The following RALGPS2 variants were observed in gnomAD, a reference collection of about 807,000 sequenced individuals.
RALGPS2 encodes the protein ras-specific guanine nucleotide-releasing factor RalGPS2.
Under a neutral mutation model 86.8 loss-of-function variants are expected in RALGPS2, and 43 were observed. That is an observed-to-expected ratio of 0.50 (90% CI 0.39 to 0.64). RALGPS2 has a LOEUF of 0.64. Ranked by LOEUF, RALGPS2 falls within the 30% of genes least tolerant of loss-of-function variation. RALGPS2 has a pLI of 0.00. For missense variants in RALGPS2, 536 were observed against 694.6 expected, an observed-to-expected ratio of 0.77 and a Z score of 2.57; for synonymous variants, 243 against 231.3, an observed-to-expected ratio of 1.05 and a Z score of -0.46.
chr1:178,831,567 C>A (rs1656018412), intron 7 of RALGPS2, among the ~76,000 whole-genome samples: 1 of 151,944 alleles, frequency 6.6e-6, no homozygotes, highest in Non-Finnish European at 1.5e-5. Context: ...CCCCATTTGT[C>A]ATGCTCTTGG....
At chr1:178,888,183 A>G (rs1297472329) in intron 13 of RALGPS2, among the ~76,000 whole-genome samples, 1 of 152,166 alleles carries the variant, frequency 6.6e-6, no homozygotes, top group South Asian at 2.1e-4. Context: ...AAGTAAGTAA[A>G]CAGTAAAAGA....
At position 178,865,718 on chromosome 1, in the gene RALGPS2, T is replaced by A. The variant is rs141156731; in HGVS notation, c.608-11780T>A. 5.6e-4 allele frequency: 898 copies of A among 1,613,608 alleles called. 1 individual carries two copies. The highest frequency in any genetic ancestry group is 7.8e-4 in the Admixed American group (47 of 59,994). On this transcript the variant is annotated intron_variant, in intron 8 of 19. Transcript: ENST00000367635. ...AATTTTGAATTGTCCACCTCTGCAA[T>A]GTCCAGTGTCCACTAGTAGGAAGAA...
chr1:178,751,483 A>G (rs774236772), intron 1 of RALGPS2, among the ~76,000 whole-genome samples: 3 of 152,192 alleles, frequency 2.0e-5, no homozygotes, highest in Non-Finnish European at 4.4e-5. Flanking sequence ...TTGAGAGAGA[A>G]CACTATTCCA....
intron 1 of RALGPS2, among the ~76,000 whole-genome samples, chr1:178,762,825 G>A (rs1652320699): frequency 6.6e-6 from 1 of 152,018 alleles, no homozygotes; most frequent in Admixed American, 6.6e-5. Flanking sequence ...AGTTTCTTTT[G>A]CTGTGCAGAA....
intron 1 of RALGPS2, among the ~76,000 whole-genome samples, chr1:178,755,140 CTTTT>C (rs1263066647): frequency 4.6e-5 from 7 of 152,134 alleles, no homozygotes; most frequent in Non-Finnish European, 8.8e-5. Flanking sequence ...TTCCTTTTTT[CTTTT>C]TATTTTTTTC....
chr1:178,879,289 A>G, intron 10 of RALGPS2: 1 of 218,348 alleles, frequency 4.6e-6, no homozygotes, highest in Non-Finnish European at 8.7e-6. Flanking sequence ...GAATCCTTAT[A>G]GAATTTGTCT....
chr1:178,771,025 G>A (rs988688356), intron 1 of RALGPS2, among the ~76,000 whole-genome samples: 15 of 151,338 alleles, frequency 9.9e-5, no homozygotes, highest in Admixed American at 8.6e-4. Flanking sequence ...TTTTAGTGGA[G>A]ACGGGGTTTC....
chr1:178,811,287 G>T (rs771624975), intron 5 of RALGPS2, 28 bp from the exon 6 acceptor site: 9 of 1,466,298 alleles, frequency 6.1e-6, no homozygotes, highest in Non-Finnish European at 8.3e-6. Flanking sequence ...AAATCATAGT[G>T]ATATTTATTT....
chr1:178,870,414 A>T (rs114040281), intron 8 of RALGPS2, among the ~76,000 whole-genome samples: 192 of 152,284 alleles, frequency 1.3e-3, no homozygotes, highest in African/African-American at 4.3e-3. Flanking sequence ...TGTAAGCCTT[A>T]TACATTTAAT....
chr1:178,859,861 C>T (rs1266089567), intron 8 of RALGPS2, among the ~76,000 whole-genome samples: 3 of 132,218 alleles, frequency 2.3e-5, no homozygotes, highest in East Asian at 2.5e-4. Context: ...GGACTACAGG[C>T]GCCCGCCACC....
rs1012150183 is a variant in RALGPS2, at chr1:178,917,379, TA to T, written c.*1021del. On this transcript the variant is annotated 3_prime_UTR_variant, in exon 20 of 20. Transcript: ENST00000367635. The stretch of plus-strand genomic sequence containing the variant: ...TGTTTGATGTGCATAATGCCAGAGT[TA>T]TTTTTTTATTATTCATTTTCTCTCT... 2.0e-5 allele frequency: 3 copies of T among 152,174 alleles called. No homozygotes were observed. Among genetic ancestry groups the T allele is most frequent in the East Asian group, 1.9e-4 (1 of 5,202 alleles). The allele number at this position is 152,174 out of a possible 1,614,324, so 9.4% of individuals were successfully genotyped here.
chr1:178,745,031 A>G (rs1023736456), intron 1 of RALGPS2, among the ~76,000 whole-genome samples: 2 of 152,206 alleles, frequency 1.3e-5, no homozygotes, highest in African/African-American at 4.8e-5. Flanking sequence ...GGAAATTGAA[A>G]TGTAATAAAA....
At chr1:178,727,571 TG>T (rs1174602423) in intron 1 of RALGPS2, among the ~76,000 whole-genome samples, 1 of 152,236 alleles carries the variant, frequency 6.6e-6, no homozygotes, top group African/African-American at 2.4e-5. Flanking sequence ...AAAACATAAC[TG>T]AAAAACTGGC....
chr1:178,845,752 G>A (rs1381541215), intron 8 of RALGPS2, among the ~76,000 whole-genome samples: 1 of 152,150 alleles, frequency 6.6e-6, no homozygotes, highest in African/African-American at 2.4e-5. Context: ...TTAGCACTGT[G>A]CTTGGTGCTA....
At chr1:178,785,462 G>A in intron 3 of RALGPS2, 95 bp from the exon 4 acceptor site, 1 of 1,285,560 alleles carries the variant, frequency 7.8e-7, no homozygotes, top group Non-Finnish European at 1.0e-6. Context: ...TGAGTATTTG[G>A]TAATATTTTA....
chr1:178,875,857 T>C (rs1227184996), intron 8 of RALGPS2, among the ~76,000 whole-genome samples: 3 of 152,132 alleles, frequency 2.0e-5, no homozygotes, highest in African/African-American at 7.2e-5. Flanking sequence ...GCAGCAACGA[T>C]TGCATTCAAA....
rs1484414701 is a variant in RALGPS2, at chr1:178,918,278, A to G, written c.*1919A>G. 2.6e-5 allele frequency: 4 copies of G among 152,130 alleles called. No individual in the cohort carries two copies. The highest frequency in any genetic ancestry group is 5.9e-5 in the Non-Finnish European group (4 of 67,984). The allele number at this position is 152,130 out of a possible 1,614,324, so 9.4% of individuals were successfully genotyped here. A position where few individuals can be genotyped will look rare whatever the true frequency, so the allele number is the denominator to read the frequency against. ...TTACTACGTAGACCTTGCACATCTT[A>G]CTTTTGTTTTGCATTTTTAAAAATT... On this transcript the variant is annotated 3_prime_UTR_variant, in exon 20 of 20. Transcript: ENST00000367635.
chr1:178,852,619 G>T (rs1657247912), intron 8 of RALGPS2: 18 of 1,507,444 alleles, frequency 1.2e-5, no homozygotes, highest in Non-Finnish European at 1.6e-5. Context: ...ATATATATTA[G>T]TAGATTCTAT....
chr1:178,866,996 G>T (rs1455326176), intron 8 of RALGPS2, among the ~76,000 whole-genome samples: 3 of 151,986 alleles, frequency 2.0e-5, no homozygotes, highest in African/African-American at 7.2e-5. Context: ...TCTATTACAG[G>T]CCACCTTTTC....
Sources: allele counts gnomAD v4.1 joint callset (sites outside exome capture counted in the v4.1 genomes callset), GRCh38; gene constraint gnomAD v4.1.1; transcripts MANE v1.5; gene names NCBI Gene and HGNC (gene_info 2026-07-23, HGNC 2026-07-21).